The following NEMP1 variants were observed in gnomAD, a reference collection of about 807,000 sequenced individuals.
NEMP1 encodes the protein nuclear envelope integral membrane protein 1, also known as transmembrane protein 194.
A neutral mutation model predicts 53.7 loss-of-function variants in NEMP1; 29 were observed. The ratio of observed to expected loss-of-function variants is 0.54; its 90% CI spans 0.40 to 0.74. The LOEUF (loss-of-function observed/expected upper bound fraction) is 0.74, where lower values mean the gene tolerates loss of function less well. Ranked by LOEUF, NEMP1 falls within the 30% of genes least tolerant of loss-of-function variation. The pLI is 0.00. For synonymous variants in NEMP1, 193 were observed against 192.9 expected, an observed-to-expected ratio of 1.00 and a Z score of 0.00; for missense variants, 477 against 528.6, an observed-to-expected ratio of 0.90 and a Z score of 0.96.
At chr12:57,062,714 C>G (rs2031874245) in intron 7 of NEMP1, among the ~76,000 whole-genome samples, 1 of 150,988 alleles carries the variant, frequency 6.6e-6, no homozygotes, top group Non-Finnish European at 1.5e-5. Flanking sequence ...TGTGGTGGCG[C>G]ATGCCTGTAA....
intron 8 of NEMP1, 54 bp from the exon 9 acceptor site, chr12:57,060,113 T>G: frequency 6.5e-7 from 1 of 1,548,472 alleles, no homozygotes; most frequent in Non-Finnish European, 8.8e-7. Flanking sequence ...CTTTCTGGTC[T>G]TCTTTCAAAA....
chr12:57,064,258 C>G, intron 5 of NEMP1, 73 bp from the exon 6 acceptor site: 1 of 917,592 alleles, frequency 1.1e-6, no homozygotes, highest in Non-Finnish European at 1.6e-6. Flanking sequence ...CAAAATGGAA[C>G]TATGATTTTT....
intron 2 of NEMP1, among the ~76,000 whole-genome samples, chr12:57,072,171 C>T (rs944909500): frequency 2.0e-5 from 3 of 152,182 alleles, no homozygotes; most frequent in Non-Finnish European, 4.4e-5. Flanking sequence ...GGTGCGATAG[C>T]TCATGCCTAT....
intron 4 of NEMP1, among the ~76,000 whole-genome samples, chr12:57,066,051 G>A (rs750118037): frequency 6.6e-5 from 10 of 151,850 alleles, no homozygotes; most frequent in Non-Finnish European, 1.3e-4. Flanking sequence ...TCCGGAGATC[G>A]AGACCATCCT....
intron 1 of NEMP1, among the ~76,000 whole-genome samples, chr12:57,086,933 C>T (rs1269580178): frequency 6.6e-6 from 1 of 152,256 alleles, no homozygotes; most frequent in Non-Finnish European, 1.5e-5. Context: ...TTTTCCCGTA[C>T]ATTCTCTCAT....
chr12:57,059,934 T>G lies in NEMP1; in HGVS notation c.1280A>C (p.Glu427Ala). The G allele has an allele frequency of 6.2e-7, 1 of 1,613,876 alleles. No homozygotes were observed. Among genetic ancestry groups the G allele is most frequent in the Admixed American group, 1.7e-5 (1 of 59,996 alleles). ...DEIYEEASSE[E>A]EDSYSRCPAI... ...AGGACACCGAGAATATGAGTCCTCCTCCTCAGAGGATGCTTCCTCATAGAT... is the reference window on the plus strand; with the variant it reads ...AGGACACCGAGAATATGAGTCCTCCGCCTCAGAGGATGCTTCCTCATAGAT... The change falls in exon 9 of 9, where the codon GAG (glutamate) becomes GCG (alanine). Residue 427 changes from glutamate (E) to alanine (A), a missense_variant. Glu to Ala is a moderately radical substitution (Grantham distance 107, BLOSUM62 -1). Coordinates refer to ENST00000300128, the MANE Select transcript of NEMP1 (RefSeq NM_001130963.2).
At chr12:57,084,023 C>T (rs896223564) in intron 1 of NEMP1, among the ~76,000 whole-genome samples, 1 of 151,678 alleles carries the variant, frequency 6.6e-6, no homozygotes, top group African/African-American at 2.4e-5. Context: ...AGTGCGATGG[C>T]GCGATCTCGG....
rs749995658 is a variant in NEMP1, at chr12:57,064,735, G to C, written c.550C>G (p.Gln184Glu). The C allele has an allele frequency of 6.2e-7, 1 of 1,610,156 alleles. No homozygotes were observed. Among genetic ancestry groups the C allele is most frequent in the Non-Finnish European group, 8.5e-7 (1 of 1,177,998 alleles). ...FFCGDLLSRS[Q>E]IFYYSTGMTV... ...ATCCCAGTAGAGTAGTAGAAAATTT[G>C]ACTTCTGCAGGAAAAAAATGTATTT... The change falls in exon 5 of 9, where the codon CAA (glutamine) becomes GAA (glutamate). Residue 184 changes from glutamine (Q) to glutamate (E), a missense_variant. By Grantham distance (29) the Gln-to-Glu change is conservative. Transcript: ENST00000300128.
At chr12:57,070,220 CTCT>C (rs2032282047) in intron 3 of NEMP1, among the ~76,000 whole-genome samples, 1 of 151,212 alleles carries the variant, frequency 6.6e-6, no homozygotes, top group East Asian at 2.0e-4. Context: ...TCCATGAATA[CTCT>C]TTTTACTTGT....
intron 1 of NEMP1, among the ~76,000 whole-genome samples, chr12:57,084,066 G>T (rs11608866): frequency 3.9e-5 from 6 of 152,144 alleles, no homozygotes; most frequent in African/African-American, 1.4e-4. Flanking sequence ...AGGTTCAAGC[G>T]ATTCTCGTGC....
chr12:57,082,871 A>AG (rs1476735676), upstream of NEMP1, among the ~76,000 whole-genome samples: 2 of 151,750 alleles, frequency 1.3e-5, no homozygotes, highest in Non-Finnish European at 2.9e-5. Context: ...AAAAAAAAAA[A>AG]TTAGCCAGGT....
chr12:57,077,755 C>CT (rs925371179), intron 1 of NEMP1, among the ~76,000 whole-genome samples: 1 of 152,126 alleles, frequency 6.6e-6, no homozygotes, highest in Non-Finnish European at 1.5e-5. Flanking sequence ...CTTCTTTATA[C>CT]TTAATTGTAC....
rs1330266034 is a variant in NEMP1 at position 57,059,018 on chromosome 12, AG to A, written c.*860del. The A allele has an allele frequency of 1.3e-5, 2 of 152,246 alleles. No homozygotes were observed. The highest frequency in any genetic ancestry group is 1.5e-5 in the Non-Finnish European group (1 of 68,040). 9.4% of individuals were successfully genotyped at this position (152,246 alleles called of 1,614,324 possible). ...TCTGAACATACATAGTTCACAGGTA[AG>A]GGAACTGACCCTTCCTGAAAGGGCA... is the stretch of plus-strand genomic sequence containing the variant. On this transcript the variant is annotated 3_prime_UTR_variant, in exon 9 of 9. Transcript: ENST00000300128.
Position 57,064,647 on chromosome 12 carries a change from T to C in NEMP1, c.638A>G (p.Lys213Arg). 1.2e-6 allele frequency: 2 copies of C among 1,606,422 alleles called. No individual in the cohort carries two copies. Among genetic ancestry groups the C allele is most frequent in the East Asian group, 2.2e-5 (1 of 44,672 alleles). Residue 213 changes from lysine to arginine, a missense_variant and splice_region_variant, in exon 5 of 9, where the codon AAG (lysine) becomes AGG (arginine). By Grantham distance (26) the Lys-to-Arg change is conservative. Transcript: ENST00000300128. ...IIFILSKFMP[K>R]KSPIYVILVG... is the part of the protein sequence containing the mutation. The stretch of plus-strand genomic sequence containing the variant: ...GCACATGAAGATTCTGATACTTACC[T>C]TAGGCATAAACTTAGATAGTATAAA...
Position 57,069,252 on chromosome 12 carries a change from C to A in NEMP1, c.527G>T (p.Cys176Phe). ...AACCTACCTGCTCAGCAAGTCTCCA[C>A]AAAAAAATAGCATAAGTCCAAGAAG... is the stretch of plus-strand genomic sequence containing the variant. ...VFLLGLMLFFCGDLLSRSQIF... is the reference protein window; with the variant it reads ...VFLLGLMLFFFGDLLSRSQIF... Residue 176 changes from cysteine to phenylalanine, a missense_variant, in exon 4 of 9, where the codon TGT (cysteine) becomes TTT (phenylalanine). By Grantham distance (205) the Cys-to-Phe change is radical. Transcript: ENST00000300128. The A allele has an allele frequency of 6.5e-7, 1 of 1,546,688 alleles. No individual in the cohort carries two copies. The highest frequency in any genetic ancestry group is 2.0e-5 in the Admixed American group (1 of 49,638).
At chr12:57,075,829 A>G (rs1282532373) in intron 1 of NEMP1, among the ~76,000 whole-genome samples, 1 of 151,442 alleles carries the variant, frequency 6.6e-6, no homozygotes, top group Non-Finnish European at 1.5e-5. Flanking sequence ...TTACCCGGGC[A>G]TGGTGGCACA....
At chr12:57,070,511 G>A (rs142642905) in intron 3 of NEMP1, among the ~76,000 whole-genome samples, 163 bp downstream of exon 3, 44 of 152,320 alleles carry the variant, frequency 2.9e-4, no homozygotes, top group Non-Finnish European at 5.7e-4. Context: ...TCTGATAGGG[G>A]TGAAGTCTCC....
At chr12:57,065,822 G>GACA (rs1310175861) in intron 4 of NEMP1, among the ~76,000 whole-genome samples, 1 of 151,874 alleles carries the variant, frequency 6.6e-6, no homozygotes, top group East Asian at 1.9e-4. Context: ...TATGTAATAA[G>GACA]ACAGCTTCTT....
At chr12:57,076,047 C>T (rs1331691534) in intron 1 of NEMP1, among the ~76,000 whole-genome samples, 1 of 151,956 alleles carries the variant, frequency 6.6e-6, no homozygotes, top group Non-Finnish European at 1.5e-5. Flanking sequence ...GAGATGGCAC[C>T]ACTGCACTCC....
Sources: allele counts gnomAD v4.1 joint callset (sites outside exome capture counted in the v4.1 genomes callset), GRCh38; gene constraint gnomAD v4.1.1; transcripts MANE v1.5; gene names NCBI Gene and HGNC (gene_info 2026-07-23, HGNC 2026-07-21).